The following PRKCE variants were observed in gnomAD, a reference collection of about 807,000 sequenced individuals.
PRKCE encodes the protein protein kinase C epsilon type.
PRKCE carries 16 observed loss-of-function variants against 85.4 expected under a neutral mutation model. That is an observed-to-expected ratio of 0.19 (90% CI 0.13 to 0.28). The LOEUF is 0.28. Among genes scored for constraint, PRKCE ranks in the 10% least tolerant of loss-of-function variants. The pLI is 1.00. For missense variants in PRKCE, 573 were observed against 975.2 expected (o/e 0.59, Z 5.49); for synonymous variants, 388 against 371.5 (o/e 1.04, Z -0.51).
chr2:45,701,207 A>G (rs1008124393), intron 1 of PRKCE, among the ~76,000 whole-genome samples: 1 of 151,372 alleles, frequency 6.6e-6, no homozygotes, highest in African/African-American at 2.4e-5. Context: ...AACAGTATCT[A>G]CTCTTGTCTC....
intron 1 of PRKCE, among the ~76,000 whole-genome samples, chr2:45,764,308 C>A (rs1684739664): frequency 1.3e-5 from 2 of 152,130 alleles, no homozygotes; most frequent in Admixed American, 1.3e-4. Context: ...TCCAGCCCAC[C>A]TGAGGAAATT....
chr2:46,089,108 C>T (rs1448311163), intron 11 of PRKCE, among the ~76,000 whole-genome samples: 2 of 151,718 alleles, frequency 1.3e-5, no homozygotes, highest in African/African-American at 4.9e-5. Context: ...CACTTGCCTT[C>T]CCATTGTCCT....
chr2:45,738,065 C>T (rs1218816230), intron 1 of PRKCE, among the ~76,000 whole-genome samples: 4 of 152,168 alleles, frequency 2.6e-5, no homozygotes, highest in African/African-American at 4.8e-5. Flanking sequence ...CTGCAGGCGA[C>T]GCAAACCTTT....
At chr2:45,703,399 A>C (rs192027256) in intron 1 of PRKCE, among the ~76,000 whole-genome samples, 2 of 152,018 alleles carry the variant, frequency 1.3e-5, no homozygotes, top group African/African-American at 4.8e-5. Flanking sequence ...GTAGCCAGAC[A>C]TGGTGGCATG....
At chr2:45,801,511 G>T (rs1371210194) in intron 1 of PRKCE, among the ~76,000 whole-genome samples, 1 of 151,958 alleles carries the variant, frequency 6.6e-6, no homozygotes, top group Non-Finnish European at 1.5e-5. Flanking sequence ...TGCTGAGGGT[G>T]AGGGTGAGGG....
At chr2:46,039,483 G>A (rs578229881) in intron 10 of PRKCE, among the ~76,000 whole-genome samples, 7 of 151,936 alleles carry the variant, frequency 4.6e-5, no homozygotes, top group Non-Finnish European at 1.0e-4. Flanking sequence ...TAACCCTACT[G>A]ACCATGATTT....
intron 2 of PRKCE, among the ~76,000 whole-genome samples, chr2:45,934,705 G>T (rs752891091): frequency 4.6e-5 from 7 of 151,222 alleles, no homozygotes; most frequent in Non-Finnish European, 8.8e-5. Flanking sequence ...GCTCTAAAAA[G>T]ATTCCAAATT....
chr2:45,984,700 G>T lies in PRKCE; in HGVS notation c.823+20G>T. 1 of 1,590,500 alleles carries T rather than the reference G, an allele frequency of 6.3e-7. No individual in the cohort carries two copies. Among genetic ancestry groups the T allele is most frequent in the Non-Finnish European group, 8.5e-7 (1 of 1,173,104 alleles). The stretch of plus-strand genomic sequence containing the variant: ...GTAAAGGTAAGTTGCTCCCTGCCCT[G>T]CCCTCAGCCCCTGCATGTCCCCTTC... On this transcript the variant is annotated intron_variant, in intron 6 of 14. Coordinates refer to ENST00000306156, the MANE Select transcript of PRKCE (RefSeq NM_005400.3).
At chr2:45,736,478 A>T (rs547469651) in intron 1 of PRKCE, among the ~76,000 whole-genome samples, 2 of 152,322 alleles carry the variant, frequency 1.3e-5, no homozygotes, top group Admixed American at 6.5e-5. Flanking sequence ...AGTTGCTTAC[A>T]GAAAAATCAG....
At chr2:46,135,188 C>G (rs1007460328) in intron 11 of PRKCE, among the ~76,000 whole-genome samples, 5 of 152,174 alleles carry the variant, frequency 3.3e-5, no homozygotes, top group Non-Finnish European at 7.3e-5. Context: ...TCTATTTGAT[C>G]AAAATAGCAT....
At chr2:45,947,714 A>T (rs912263926) in intron 2 of PRKCE, among the ~76,000 whole-genome samples, 2 of 152,130 alleles carry the variant, frequency 1.3e-5, no homozygotes, top group African/African-American at 4.8e-5. Flanking sequence ...ATTTTGCTTA[A>T]TTATTTTCCA....
chr2:45,831,893 A>G (rs1487182432), intron 1 of PRKCE, among the ~76,000 whole-genome samples: 1 of 151,810 alleles, frequency 6.6e-6, no homozygotes, highest in Non-Finnish European at 1.5e-5. Context: ...AATAACACAA[A>G]AATATATAAC....
chr2:45,895,141 C>T lies in PRKCE; in HGVS notation c.412+52078C>T, dbSNP rs747215404. The stretch of plus-strand genomic sequence containing the variant: ...CCACGTGGTAGGGAGAATGAAAAGG[C>T]GCCCAGGTGTCTCTTGAGAAAGGAA... On this transcript the variant is annotated intron_variant, in intron 2 of 14. Transcript: ENST00000306156. The surrounding 1 kb of genome is among the most constrained non-coding windows in gnomAD (Gnocchi z 4.8). Among the ~76,000 whole-genome samples, 28 of 152,154 alleles carry T rather than the reference C, an allele frequency of 1.8e-4. No homozygotes were observed. Among genetic ancestry groups the T allele is most frequent in the Middle Eastern group, 3.2e-3 (1 of 316 alleles).
intron 2 of PRKCE, among the ~76,000 whole-genome samples, chr2:45,922,938 A>G (rs13015378): frequency 0.25 from 37,908 of 152,232 alleles, 5,800 homozygotes; most frequent in South Asian, 0.36. Flanking sequence ...TAAATGCACA[A>G]AAGATCATGT....
At chr2:45,796,292 A>G (rs1286900502) in intron 1 of PRKCE, among the ~76,000 whole-genome samples, 37 of 152,292 alleles carry the variant, frequency 2.4e-4, no homozygotes, top group Middle Eastern at 3.4e-3. Flanking sequence ...CAGCTCTCTC[A>G]CTAGCTGTAA....
chr2:46,167,145 T>C (rs1056126571), intron 14 of PRKCE, among the ~76,000 whole-genome samples: 1 of 152,166 alleles, frequency 6.6e-6, no homozygotes, highest in East Asian at 1.9e-4. Flanking sequence ...GAGTTAAGAA[T>C]TGCAGGAGGT....
intron 14 of PRKCE, among the ~76,000 whole-genome samples, chr2:46,174,842 A>C (rs1028271796): frequency 4.6e-5 from 7 of 151,976 alleles, no homozygotes; most frequent in African/African-American, 1.5e-4. Context: ...GGCACGTGCC[A>C]CCGTGTCTGG....
chr2:45,982,923 T>TA (rs2104580983), intron 5 of PRKCE, among the ~76,000 whole-genome samples: 1 of 152,362 alleles, frequency 6.6e-6, no homozygotes, highest in East Asian at 1.9e-4. Flanking sequence ...ACCAAGACTC[T>TA]ATTCTCAGTA....
At chr2:45,813,632 C>A (rs574365207) in intron 1 of PRKCE, among the ~76,000 whole-genome samples, 1 of 152,134 alleles carries the variant, frequency 6.6e-6, no homozygotes. Context: ...GGTCACCCAG[C>A]GACTTGAATC....
Sources: allele counts gnomAD v4.1 joint callset (sites outside exome capture counted in the v4.1 genomes callset), GRCh38; gene constraint gnomAD v4.1.1; non-coding constraint Gnocchi (gnomAD v3.1); transcripts MANE v1.5; gene names NCBI Gene and HGNC (gene_info 2026-07-23, HGNC 2026-07-21).